The following HEYL variants were observed in gnomAD, a reference collection of about 807,000 sequenced individuals.
HEYL encodes the protein hes related family bHLH transcription factor with YRPW motif like.
In HEYL, 12 loss-of-function variants were observed where a neutral mutation model predicts 18.6. The ratio of observed to expected loss-of-function variants is 0.65; its 90% CI spans 0.41 to 1.05. The LOEUF (loss-of-function observed/expected upper bound fraction) is 1.05. Ranked by LOEUF, HEYL falls within the 50% of genes least tolerant of loss-of-function variation. HEYL has a pLI of 0.00. For missense variants in HEYL, 420 were observed against 444.7 expected, an observed-to-expected ratio of 0.94 and a Z score of 0.50; for synonymous variants, 159 against 179.6, an observed-to-expected ratio of 0.89 and a Z score of 0.91.
intron 4 of HEYL, among the ~76,000 whole-genome samples, chr1:39,628,517 G>A (rs1030109123): frequency 1.3e-4 from 19 of 151,974 alleles, no homozygotes; most frequent in African/African-American, 4.6e-4. Context: ...GACCTCAGGT[G>A]ATCCGCCCAC....
intron 4 of HEYL, among the ~76,000 whole-genome samples, chr1:39,629,587 C>T (rs1478935680): frequency 6.6e-6 from 1 of 152,162 alleles, no homozygotes; most frequent in African/African-American, 2.4e-5. Context: ...GTCTTTGTGG[C>T]CAAGGCCTGT....
In HEYL at chr1:39,626,658, G is replaced by A. The variant is rs1268553138; in HGVS notation, c.836C>T (p.Ser279Phe). Residue 279 changes from serine (S) to phenylalanine (F), a missense_variant, in exon 5 of 5, where the codon TCC becomes TTC. Physicochemically the swap from Ser to Phe is radical, Grantham distance 155. Coordinates refer to ENST00000372852, the MANE Select transcript of HEYL (RefSeq NM_014571.4). ...TGTAGGACCAGGGGGTGTTGGGGAG[G>A]AAGACTGCAGGAGGGGAGCGATGTG... ...SSHIAPLLQSSSPTPPGPTGS... is the reference protein window; with the variant it reads ...SSHIAPLLQSFSPTPPGPTGS... The A allele has an allele frequency of 6.5e-7, 1 of 1,529,488 alleles. No individual in the cohort carries two copies. Among genetic ancestry groups the A allele is most frequent in the Non-Finnish European group, 8.8e-7 (1 of 1,139,388 alleles). 94.7% of individuals were successfully genotyped at this position (1,529,488 alleles called of 1,614,324 possible).
chr1:39,627,239 G>A (rs1436718117), intron 4 of HEYL, 59 bp from the exon 5 acceptor site: 3 of 1,469,338 alleles, frequency 2.0e-6, no homozygotes, highest in South Asian at 2.6e-5. Flanking sequence ...TGGAGCCTGG[G>A]TCTGACTGTC....
rs1164630416 is a variant in HEYL at position 39,627,066 on chromosome 1, T to C, written c.428A>G (p.Asp143Gly). 6.2e-7 allele frequency: 1 copy of C among 1,613,996 alleles called. No individual in the cohort carries two copies. The change falls in exon 5 of 5, where the codon GAC becomes GGC. Residue 143 changes from aspartate to glycine, a missense_variant. Coordinates refer to ENST00000372852, the MANE Select transcript of HEYL (RefSeq NM_014571.4). ...GVLEGPSSRA[D>G]PVRIRLLSHL... ...GGAGAGAAGGCGAATCCGGACGGGG[T>C]CTGCACGGCTGCTGGGCCCTTCAAG...
intron 1 of HEYL, among the ~76,000 whole-genome samples, chr1:39,634,999 C>A (rs915633491): frequency 1.3e-5 from 2 of 152,086 alleles, no homozygotes; most frequent in Non-Finnish European, 2.9e-5. Context: ...CACAAGGGTC[C>A]CAGCCCAAGG....
At chr1:39,639,454 G>T in intron 1 of HEYL, 92 bp downstream of exon 1, 1 of 1,084,126 alleles carries the variant, frequency 9.2e-7, no homozygotes, top group Non-Finnish European at 1.3e-6. Flanking sequence ...AGGCGGTGCT[G>T]GAGGGCTGGC....
At chr1:39,628,342 C>T (rs180747249) in intron 4 of HEYL, among the ~76,000 whole-genome samples, 3 of 151,908 alleles carry the variant, frequency 2.0e-5, no homozygotes, top group African/African-American at 4.8e-5. Context: ...TGCAGTGGCA[C>T]GATCTTGGCT....
intron 1 of HEYL, 67 bp from the exon 2 acceptor site, chr1:39,632,782 C>G (rs1029562285): frequency 7.5e-6 from 12 of 1,595,036 alleles, no homozygotes; most frequent in East Asian, 6.7e-5. Flanking sequence ...GGGCCGACCT[C>G]GGGCCAGGAG....
chr1:39,628,058 C>T (rs1156943914), intron 4 of HEYL, among the ~76,000 whole-genome samples: 1 of 152,162 alleles, frequency 6.6e-6, no homozygotes, highest in African/African-American at 2.4e-5. Context: ...CCTCTCTTGA[C>T]CACCTTCTGG....
chr1:39,639,597 G>A lies in HEYL; in HGVS notation c.29C>T (p.Ser10Phe). Residue 10 changes from serine (S) to phenylalanine (F), a missense_variant, in exon 1 of 5, where the codon TCC (serine) becomes TTC (phenylalanine). By Grantham distance (155) the Ser-to-Phe change is radical (BLOSUM62 -2). Transcript: ENST00000372852. ...GATGGGTCCGTCGGACTCCCCGTCG[G>A]AGCCGCTCGGCTCCTTGGGTCGCTT... MKRPKEPSG[S>F]DGESDGPIDV... 2 of 1,577,680 alleles carry A rather than the reference G, an allele frequency of 1.3e-6. No individual in the cohort carries two copies. Among genetic ancestry groups the A allele is most frequent in the Non-Finnish European group, 1.7e-6 (2 of 1,166,978 alleles).
At chr1:39,627,679 G>A (rs537025439) in intron 4 of HEYL, among the ~76,000 whole-genome samples, 1 of 152,304 alleles carries the variant, frequency 6.6e-6, no homozygotes, top group African/African-American at 2.4e-5. Flanking sequence ...CAGGAGAGCT[G>A]GGTTCAAATC....
In HEYL at chr1:39,623,863, CTG is replaced by C. The variant is rs1646280632; in HGVS notation, c.*2642_*2643del. 6.6e-6 allele frequency among the ~76,000 whole-genome samples: 1 copy of C among 152,180 alleles called. No homozygotes were observed. Among genetic ancestry groups the C allele is most frequent in the African/African-American group, 2.4e-5 (1 of 41,444 alleles). On this transcript the variant is annotated 3_prime_UTR_variant, in exon 5 of 5. Coordinates refer to ENST00000372852, the MANE Select transcript of HEYL (RefSeq NM_014571.4). ...GGTGGCAGAAGCTCAGGGAGCAAGTCTGGGACTGGCAAGAAATGAGGCTGGAA... is the reference window on the plus strand; with the variant it reads ...GGTGGCAGAAGCTCAGGGAGCAAGTCGGACTGGCAAGAAATGAGGCTGGAA...
chr1:39,638,850 A>T (rs567667147), intron 1 of HEYL, among the ~76,000 whole-genome samples: 1 of 152,236 alleles, frequency 6.6e-6, no homozygotes, highest in Non-Finnish European at 1.5e-5. Flanking sequence ...TGAAGCTTAG[A>T]CAGTTTACAG....
chr1:39,629,516 T>C (rs1273606115), intron 4 of HEYL, among the ~76,000 whole-genome samples: 1 of 152,200 alleles, frequency 6.6e-6, no homozygotes, highest in Non-Finnish European at 1.5e-5. Flanking sequence ...AGCACCAGAA[T>C]GGGCCACTTA....
rs944549576 is a variant in HEYL at position 39,624,722 on chromosome 1, A to G, written c.*1785T>C. 1 of 152,142 alleles carries G rather than the reference A, an allele frequency of 6.6e-6. No individual in the cohort carries two copies. The highest frequency in any genetic ancestry group is 6.5e-5 in the Admixed American group (1 of 15,276). The allele number at this position is 152,142 out of a possible 1,614,324, so 9.4% of individuals were successfully genotyped here. On this transcript the variant is annotated 3_prime_UTR_variant, in exon 5 of 5. Coordinates refer to ENST00000372852, the MANE Select transcript of HEYL (RefSeq NM_014571.4). ...CCCTGCCAATGACCCACTCTCTAAA[A>G]TGATCCCCCCTCTCCTTGCTACTGC...
intron 3 of HEYL, 75 bp downstream of exon 3, chr1:39,631,421 G>C (rs549868767): frequency 8.2e-7 from 1 of 1,217,166 alleles, no homozygotes; most frequent in South Asian, 1.2e-5. Context: ...CAATCAACAA[G>C]AGATGCCATG....
intron 1 of HEYL, among the ~76,000 whole-genome samples, chr1:39,636,373 TCTC>T (rs1337730171): frequency 6.6e-6 from 1 of 151,990 alleles, no homozygotes; most frequent in Non-Finnish European, 1.5e-5. Context: ...TTCAAGTGAT[TCTC>T]CTGTCTCAGC....
chr1:39,639,256 C>T (rs1366713147), intron 1 of HEYL, among the ~76,000 whole-genome samples: 1 of 152,228 alleles, frequency 6.6e-6, no homozygotes, highest in Non-Finnish European at 1.5e-5. Flanking sequence ...CCCTAGGCCA[C>T]TTCAACAGAT....
chr1:39,635,780 A>G (rs910332681), intron 1 of HEYL, among the ~76,000 whole-genome samples: 2 of 152,140 alleles, frequency 1.3e-5, no homozygotes, highest in African/African-American at 4.8e-5. Flanking sequence ...CTGTCTGAAT[A>G]GCCCTCCGGT....
Sources: gnomAD v4.1 joint callset for allele counts (sites outside exome capture counted in the v4.1 genomes callset) on GRCh38, gnomAD v4.1.1 for gene constraint, MANE v1.5 for transcripts, NCBI Gene and HGNC (gene_info 2026-07-23, HGNC 2026-07-21) for gene names.